The following DSCAM variants were observed in gnomAD, a reference collection of about 807,000 sequenced individuals.
The protein encoded by DSCAM is cell adhesion molecule DSCAM.
A neutral mutation model predicts 217.7 loss-of-function variants in DSCAM; 47 were observed. The ratio of observed to expected loss-of-function variants is 0.22; its 90% CI spans 0.17 to 0.28. DSCAM has a LOEUF of 0.28. Ranked by LOEUF, DSCAM falls within the 10% of genes least tolerant of loss-of-function variation. The pLI is 1.00. For missense variants in DSCAM, 2,080 were observed against 2,618.3 expected (o/e 0.79, Z 4.49); for synonymous variants, 1,056 against 1,015.3 (o/e 1.04, Z -0.76).
rs774576489 is a variant in DSCAM, at chr21:40,312,108, C to G, written c.2035G>C (p.Glu679Gln). ...CIARNEAAAV[E>Q]HQSQLIVRVP... ...CTGACAATCAACTGGCTTTGGTGCTCCACAGCGGCGGCCTCATTCCGGGCT... is the reference window on the plus strand; with the variant it reads ...CTGACAATCAACTGGCTTTGGTGCTGCACAGCGGCGGCCTCATTCCGGGCT... Residue 679 changes from glutamate to glutamine, a missense_variant, in exon 9 of 33, where the codon GAG becomes CAG. Glu to Gln is a conservative substitution (Grantham distance 29). Coordinates refer to ENST00000400454, the MANE Select transcript of DSCAM (RefSeq NM_001389.5). 3 of 1,614,048 alleles carry G rather than the reference C, an allele frequency of 1.9e-6. No individual in the cohort carries two copies. Among genetic ancestry groups the G allele is most frequent in the South Asian group, 2.2e-5 (2 of 91,066 alleles).
chr21:40,758,225 C>T (rs1324371702), intron 1 of DSCAM, among the ~76,000 whole-genome samples: 2 of 152,128 alleles, frequency 1.3e-5, no homozygotes, highest in South Asian at 2.1e-4. Context: ...CTTCTGGCCT[C>T]TAGAACTATG....
At chr21:40,356,388 G>GATATATATATATATAT (rs60717299) in intron 4 of DSCAM, among the ~76,000 whole-genome samples, 10 of 147,370 alleles carry the variant, frequency 6.8e-5, no homozygotes, top group East Asian at 6.1e-4. Context: ...GCTTGATAGT[G>GATATATATATATATAT]ATATATATAT....
intron 6 of DSCAM, among the ~76,000 whole-genome samples, chr21:40,344,704 A>G (rs1447500297): frequency 6.6e-6 from 1 of 152,076 alleles, no homozygotes; most frequent in Non-Finnish European, 1.5e-5. Flanking sequence ...TTTTCTCTTT[A>G]TCTTCGGTTT....
At chr21:40,806,803 C>T (rs62225167) in intron 1 of DSCAM, among the ~76,000 whole-genome samples, 70,754 of 152,020 alleles carry the variant, frequency 0.47, 18,538 homozygotes, top group South Asian at 0.66. Flanking sequence ...AGTTCATGTC[C>T]TTTGCAGGGA....
At chr21:40,058,019 G>C (rs889723791) in intron 28 of DSCAM, among the ~76,000 whole-genome samples, 1 of 151,814 alleles carries the variant, frequency 6.6e-6, no homozygotes, top group Non-Finnish European at 1.5e-5. Context: ...GGGACTACAG[G>C]TGCCCACCAC....
chr21:40,585,056 G>C (rs1453303953), intron 3 of DSCAM, among the ~76,000 whole-genome samples: 1 of 152,032 alleles, frequency 6.6e-6, no homozygotes, highest in Non-Finnish European at 1.5e-5. Context: ...CTTGTCATGT[G>C]GGAGGCCATG....
chr21:40,806,409 A>G (rs1411387997), intron 1 of DSCAM, among the ~76,000 whole-genome samples: 3 of 152,222 alleles, frequency 2.0e-5, no homozygotes, highest in Non-Finnish European at 4.4e-5. Flanking sequence ...TTTACCTGAC[A>G]GAGATCTGAT....
intron 3 of DSCAM, among the ~76,000 whole-genome samples, chr21:40,653,834 C>T (rs774238367): frequency 6.0e-4 from 91 of 152,278 alleles, no homozygotes; most frequent in Admixed American, 2.1e-3. Flanking sequence ...CAGTGGCTCA[C>T]GCCTGTAATC....
At chr21:40,675,818 C>T (rs762364719) in intron 3 of DSCAM, among the ~76,000 whole-genome samples, 2 of 152,138 alleles carry the variant, frequency 1.3e-5, no homozygotes, top group Non-Finnish European at 2.9e-5. Flanking sequence ...AATGTTTGTC[C>T]CTCGTGCCGC....
chr21:40,532,112 T>A (rs543210177), intron 3 of DSCAM, among the ~76,000 whole-genome samples: 1 of 152,332 alleles, frequency 6.6e-6, no homozygotes, highest in East Asian at 1.9e-4. Context: ...CACGGCTGCT[T>A]AAAAGGTCAT....
intron 3 of DSCAM, among the ~76,000 whole-genome samples, chr21:40,549,157 C>T (rs1388703027): frequency 6.6e-6 from 1 of 152,176 alleles, no homozygotes; most frequent in Non-Finnish European, 1.5e-5. Context: ...CATGGCACTT[C>T]AGCTTGGGCA....
intron 3 of DSCAM, among the ~76,000 whole-genome samples, chr21:40,489,512 C>G (rs1480489528): frequency 1.3e-5 from 2 of 152,188 alleles, no homozygotes; most frequent in South Asian, 4.1e-4. Flanking sequence ...CGGTGGCTCA[C>G]GCCTGTAATC....
rs540379905 is a variant in DSCAM at position 40,519,460 on chromosome 21, C to T, written c.509-150215G>A. 1.4e-4 allele frequency among the ~76,000 whole-genome samples: 21 copies of T among 152,214 alleles called. No individual in the cohort carries two copies. In the South Asian group the frequency reaches 4.3e-3, roughly 32 times the overall value. On this transcript the variant is annotated intron_variant, in intron 3 of 32. Coordinates refer to ENST00000400454, the MANE Select transcript of DSCAM (RefSeq NM_001389.5). ...GAGAGCCCTCATGAACGGTATTGTG[C>T]ACTCTTAAAAGACACCTGAGAGAGA... is the stretch of plus-strand genomic sequence containing the variant.
chr21:40,057,046 G>T (rs1298164941), intron 28 of DSCAM, among the ~76,000 whole-genome samples: 1 of 152,180 alleles, frequency 6.6e-6, no homozygotes, highest in East Asian at 1.9e-4. Context: ...TGCCTGATGA[G>T]ATCCATGTAT....
At chr21:40,839,666 T>C (rs1443797213) in intron 1 of DSCAM, among the ~76,000 whole-genome samples, 1 of 152,106 alleles carries the variant, frequency 6.6e-6, no homozygotes, top group African/African-American at 2.4e-5. Flanking sequence ...TCCTACAAAA[T>C]GCTGTACAGA....
chr21:40,519,854 G>C (rs986024572), intron 3 of DSCAM, among the ~76,000 whole-genome samples: 13 of 144,052 alleles, frequency 9.0e-5, no homozygotes, highest in East Asian at 4.3e-4. Context: ...CTCTCTCTGT[G>C]TGTGTGTATG....
chr21:40,080,061 C>T lies in DSCAM; in HGVS notation c.4420+91G>A, dbSNP rs182682769. ...GAATGACAAAGTTCAAACACATAAA[C>T]GTAAAACATGATGGATCTTTTATGA... On this transcript the variant is annotated intron_variant, in intron 25 of 32. Coordinates refer to ENST00000400454, the MANE Select transcript of DSCAM (RefSeq NM_001389.5). 5.1e-5 allele frequency: 62 copies of T among 1,212,908 alleles called. 2 individuals carry two copies. The African/African-American group carries it at 6.4e-4, about 13-fold the overall frequency. 75.1% of individuals were successfully genotyped at this position (1,212,908 alleles called of 1,614,324 possible).
At chr21:40,779,032 GAAAAAAAAAAAA>G (rs772208075) in intron 1 of DSCAM, among the ~76,000 whole-genome samples, 6 of 45,536 alleles carry the variant, frequency 1.3e-4, no homozygotes, top group South Asian at 1.3e-3. Flanking sequence ...CTCAAAAACA[GAAAAAAAAAAAA>G]AAAAAAAAAA....
chr21:40,291,653 A>G (rs915775512), intron 10 of DSCAM, among the ~76,000 whole-genome samples: 2 of 152,152 alleles, frequency 1.3e-5, no homozygotes, highest in Non-Finnish European at 2.9e-5. Context: ...CCCTCGGAGG[A>G]CAGGAGCACA....
Sources: gnomAD v4.1 joint callset for allele counts (sites outside exome capture counted in the v4.1 genomes callset) on GRCh38, gnomAD v4.1.1 for gene constraint, MANE v1.5 for transcripts, NCBI Gene and HGNC (gene_info 2026-07-23, HGNC 2026-07-21) for gene names.